Variants in ARFGEF1 observed in about 807,000 individuals in gnomAD.
ARFGEF1 encodes the protein brefeldin A-inhibited guanine nucleotide-exchange protein 1.
A neutral mutation model predicts 231.0 loss-of-function variants in ARFGEF1; 42 were observed. The observed-to-expected ratio is 0.18, with a 90% CI of 0.14 to 0.24. The LOEUF (loss-of-function observed/expected upper bound fraction) is 0.24, where lower values mean the gene tolerates loss of function less well. Ranked by LOEUF, ARFGEF1 falls within the 10% of genes least tolerant of loss-of-function variation. The pLI, the probability that ARFGEF1 is intolerant of heterozygous loss-of-function variation, is 1.00. For synonymous variants in ARFGEF1, 710 were observed against 732.3 expected, an observed-to-expected ratio of 0.97 and a Z score of 0.49; for missense variants, 1,345 against 2,192.0, an observed-to-expected ratio of 0.61 and a Z score of 7.72.
At chr8:67,216,827 G>C (rs900714698) in intron 32 of ARFGEF1, among the ~76,000 whole-genome samples, 165 bp from the exon 33 acceptor site, 5 of 151,976 alleles carry the variant, frequency 3.3e-5, no homozygotes, top group African/African-American at 1.2e-4. Flanking sequence ...CTAGTAAAAA[G>C]TTTAAAATAT....
intron 19 of ARFGEF1, among the ~76,000 whole-genome samples, chr8:67,250,422 CAG>C (rs1181311925): frequency 6.6e-6 from 1 of 152,120 alleles, no homozygotes; most frequent in African/African-American, 2.4e-5. Context: ...ATAACAAATC[CAG>C]AGAACAGATC....
At chr8:67,293,727 T>C (rs1056079198) in intron 5 of ARFGEF1, among the ~76,000 whole-genome samples, 1 of 152,140 alleles carries the variant, frequency 6.6e-6, no homozygotes, top group African/African-American at 2.4e-5. Flanking sequence ...CAATTTTCAC[T>C]CCCTTGTGTA....
chr8:67,220,038 AAAAAAAAGCCACTAAGGCAT>A (rs1839094121), intron 29 of ARFGEF1, among the ~76,000 whole-genome samples: 1 of 152,130 alleles, frequency 6.6e-6, no homozygotes, highest in Admixed American at 6.5e-5. Context: ...AAGGATTTAC[AAAAAAAAGCCACTAAGGCAT>A]AAGCTCCATG....
At chr8:67,329,581 A>T (rs886477173) in intron 1 of ARFGEF1, among the ~76,000 whole-genome samples, 1 of 150,150 alleles carries the variant, frequency 6.7e-6, no homozygotes, top group Non-Finnish European at 1.5e-5. Context: ...AATAAAAAGA[A>T]TTTTTTAAAA....
chr8:67,301,712 T>C (rs552097614), intron 2 of ARFGEF1, among the ~76,000 whole-genome samples: 6 of 152,328 alleles, frequency 3.9e-5, no homozygotes, highest in Non-Finnish European at 7.4e-5. Flanking sequence ...TAAAAAGCAA[T>C]GGCCTTTCTA....
chr8:67,217,505 T>A (rs1838978690), intron 32 of ARFGEF1, among the ~76,000 whole-genome samples: 1 of 152,090 alleles, frequency 6.6e-6, no homozygotes, highest in African/African-American at 2.4e-5. Flanking sequence ...TCTGAATAAA[T>A]AAAATCTTAT....
intron 2 of ARFGEF1, among the ~76,000 whole-genome samples, chr8:67,301,874 T>C (rs1265774242): frequency 6.6e-6 from 1 of 152,200 alleles, no homozygotes; most frequent in Non-Finnish European, 1.5e-5. Context: ...CAGAAGTATC[T>C]TTATATACTT....
At chr8:67,295,670 A>G (rs1017587084) in intron 5 of ARFGEF1, among the ~76,000 whole-genome samples, 2 of 152,152 alleles carry the variant, frequency 1.3e-5, no homozygotes. Flanking sequence ...ACTGAACACA[A>G]TGTGGGATCC....
At chr8:67,253,373 T>C in intron 18 of ARFGEF1, 78 bp downstream of exon 18, 1 of 1,075,550 alleles carries the variant, frequency 9.3e-7, no homozygotes, top group Non-Finnish European at 1.3e-6. Context: ...CCACCACACC[T>C]GACCATAAGT....
chr8:67,219,746 C>T (rs561753392), intron 29 of ARFGEF1, among the ~76,000 whole-genome samples, 186 bp from the exon 30 acceptor site: 35 of 151,716 alleles, frequency 2.3e-4, no homozygotes, highest in Non-Finnish European at 4.3e-4. Context: ...ATACATCATT[C>T]GGGAAAAAAA....
chr8:67,268,785 T>C (rs187158617), intron 10 of ARFGEF1, among the ~76,000 whole-genome samples: 167 of 152,348 alleles, frequency 1.1e-3, no homozygotes, highest in Non-Finnish European at 2.2e-3. Context: ...TTGAAATACA[T>C]AGTAGGCTGT....
intron 17 of ARFGEF1, among the ~76,000 whole-genome samples, chr8:67,257,514 C>T (rs571778442): frequency 2.0e-5 from 3 of 152,162 alleles, no homozygotes; most frequent in South Asian, 4.2e-4. Flanking sequence ...CAATCATGAA[C>T]GACAAATACA....
chr8:67,192,062 ATTTG>A (rs1190751580), intron 5 of ARFGEF1, among the ~76,000 whole-genome samples: 29 of 134,936 alleles, frequency 2.1e-4, no homozygotes, highest in African/African-American at 5.1e-4. Flanking sequence ...TCCTTTGCTG[ATTTG>A]TTTTTTTTTT....
chr8:67,271,051 G>GAAAAAA (rs1407925313), intron 10 of ARFGEF1, among the ~76,000 whole-genome samples: 25 of 100,720 alleles, frequency 2.5e-4, no homozygotes, highest in Non-Finnish European at 3.3e-4. Context: ...AAAGGAAAAA[G>GAAAAAA]AAAAAAAAAA....
At chr8:67,301,893 G>A (rs1262708412) in intron 2 of ARFGEF1, among the ~76,000 whole-genome samples, 1 of 152,126 alleles carries the variant, frequency 6.6e-6, no homozygotes, top group Non-Finnish European at 1.5e-5. Flanking sequence ...TTATTTATAT[G>A]AGAATCTTTT....
At chr8:67,277,566 T>G (rs1157637708) in intron 7 of ARFGEF1, 109 bp from the exon 8 acceptor site, 1 of 956,934 alleles carries the variant, frequency 1.0e-6, no homozygotes, top group East Asian at 2.6e-5. Context: ...CAATGTGAAG[T>G]AAAATATGTA....
intron 5 of ARFGEF1, among the ~76,000 whole-genome samples, chr8:67,187,499 AAAC>A (rs758758600): frequency 5.9e-5 from 9 of 152,144 alleles, no homozygotes; most frequent in South Asian, 2.1e-4. Context: ...CTGGGCAACA[AAAC>A]AACACCTTGT....
intron 37 of ARFGEF1, among the ~76,000 whole-genome samples, chr8:67,201,180 T>C (rs1366280104): frequency 1.3e-5 from 2 of 152,200 alleles, no homozygotes; most frequent in East Asian, 3.8e-4. Context: ...AAATGATCTG[T>C]AAAAATGGGA....
chr8:67,203,143 G>A lies in ARFGEF1; in HGVS notation c.5068C>T (p.His1690Tyr). 1 of 1,614,142 alleles carries A rather than the reference G, an allele frequency of 6.2e-7. No individual in the cohort carries two copies. Among genetic ancestry groups the A allele is most frequent in the Middle Eastern group, 1.6e-4 (1 of 6,062 alleles). ...GAATTAAACGCTTTTGCAAATCTAT[G>A]TGACTCTAATAAGCAGTCCAGTAGC... ...FKLLDCLLES[H>Y]RFAKAFNSNN... is the part of the protein sequence containing the mutation. Residue 1690 changes from histidine (H) to tyrosine (Y), a missense_variant, in exon 36 of 39, where the codon CAT (histidine) becomes TAT (tyrosine). Coordinates refer to ENST00000262215, the MANE Select transcript of ARFGEF1 (RefSeq NM_006421.5).
Sources: allele counts gnomAD v4.1 joint callset (sites outside exome capture counted in the v4.1 genomes callset), GRCh38; gene constraint gnomAD v4.1.1; transcripts MANE v1.5; gene names NCBI Gene and HGNC (gene_info 2026-07-23, HGNC 2026-07-21).